Variants in PPAT observed in about 807,000 individuals in gnomAD.
PPAT encodes phosphoribosyl pyrophosphate amidotransferase.
Under a neutral mutation model 60.2 loss-of-function variants are expected in PPAT, and 20 were observed. The ratio of observed to expected loss-of-function variants is 0.33; its 90% CI spans 0.23 to 0.48. The LOEUF (loss-of-function observed/expected upper bound fraction) is 0.48. PPAT is among the 20% of genes least tolerant of loss of function. The pLI is 0.99. For synonymous variants in PPAT, 194 were observed against 215.1 expected, an observed-to-expected ratio of 0.90 and a Z score of 0.86; for missense variants, 349 against 629.6, an observed-to-expected ratio of 0.55 and a Z score of 4.77.
chr4:56,418,429 C>A (rs767831801), intron 1 of PPAT, among the ~76,000 whole-genome samples: 1 of 152,190 alleles, frequency 6.6e-6, no homozygotes, highest in Admixed American at 6.5e-5. Context: ...AAGCAATCCT[C>A]CCACCTCAGC....
chr4:56,403,882 G>T (rs1031422467), intron 3 of PPAT: 1 of 301,728 alleles, frequency 3.3e-6, no homozygotes, highest in African/African-American at 2.2e-5. Flanking sequence ...GCTCCTAGGA[G>T]AATCTAATGC....
In PPAT at chr4:56,397,091, GTTA is replaced by G. The variant is rs1379289259; in HGVS notation, c.1237-355_1237-353del. ...TACTACAACAGAGTTGTTTTTGTCTGTTATTGTTTTTTTTGCCTTTCATCAGGT... is the reference window on the plus strand; with the variant it reads ...TACTACAACAGAGTTGTTTTTGTCTGTTGTTTTTTTTGCCTTTCATCAGGT... On this transcript the variant is annotated intron_variant, in intron 9 of 10. Coordinates refer to ENST00000264220, the MANE Select transcript of PPAT (RefSeq NM_002703.5). Among the ~76,000 whole-genome samples the G allele has an allele frequency of 3.9e-5, 6 of 152,066 alleles. No homozygotes were observed. In the East Asian group the frequency reaches 7.7e-4, roughly 20 times the overall value.
At chr4:56,416,480 T>G (rs17086759) in intron 1 of PPAT, 20,411 of 241,522 alleles carry the variant, frequency 0.085, 1,065 homozygotes, top group East Asian at 0.25. Context: ...TGATCTAATT[T>G]CAAACGGAAA....
intron 1 of PPAT, among the ~76,000 whole-genome samples, chr4:56,427,250 G>A (rs968611694): frequency 3.9e-5 from 6 of 152,180 alleles, no homozygotes; most frequent in East Asian, 1.9e-4. Context: ...ACCCAGAAGC[G>A]AAATTGTTGA....
intron 1 of PPAT, among the ~76,000 whole-genome samples, chr4:56,415,311 C>T (rs2110050124): frequency 6.6e-6 from 1 of 152,264 alleles, no homozygotes; most frequent in African/African-American, 2.4e-5. Flanking sequence ...TATCCGCCTC[C>T]CAATTAGTCT....
rs535656158 is a variant in PPAT at position 56,419,976 on chromosome 4, C to T, written c.129-12260G>A. 1.3e-4 allele frequency: 125 copies of T among 984,976 alleles called. No individual in the cohort carries two copies. In the South Asian group the frequency reaches 3.4e-3, roughly 27 times the overall value. The allele number at this position is 984,976 out of a possible 1,614,324, so 61.0% of individuals were successfully genotyped here. On this transcript the variant is annotated intron_variant, in intron 1 of 10. Coordinates refer to ENST00000264220, the MANE Select transcript of PPAT (RefSeq NM_002703.5). ...GGGACCCAATAAAACAGAAAAATCACGAGACCAGGAATCCCAAGATGGAGA... is the reference window on the plus strand; with the variant it reads ...GGGACCCAATAAAACAGAAAAATCATGAGACCAGGAATCCCAAGATGGAGA...
Position 56,403,031 on chromosome 4 carries a change from G to A in PPAT, c.661+9C>T, listed in dbSNP as rs370395713. The A allele has an allele frequency of 2.5e-6, 4 of 1,591,422 alleles. No individual in the cohort carries two copies. Among genetic ancestry groups the A allele is most frequent in the Non-Finnish European group, 3.4e-6 (4 of 1,170,826 alleles). On this transcript the variant is annotated intron_variant, in intron 5 of 10. Transcript: ENST00000264220. ...ACTATGAAATGATATTCCTTCTAAA[G>A]TTTATTACCTTTGTCATTTATATCA...
At chr4:56,400,597 G>T in intron 8 of PPAT, 187 bp downstream of exon 8, 1 of 581,616 alleles carries the variant, frequency 1.7e-6, no homozygotes, top group Non-Finnish European at 2.8e-6. Context: ...CCTTTTAGTG[G>T]TTTTCACTAA....
rs1056744224 is a variant in PPAT at position 56,412,310 on chromosome 4, T to A, written c.129-4594A>T. 4.4e-5 allele frequency among the ~76,000 whole-genome samples: 6 copies of A among 136,016 alleles called. No individual in the cohort carries two copies. The South Asian group carries it at 1.4e-3, about 31-fold the overall frequency. 89.2% of individuals were successfully genotyped at this position (136,016 alleles called of 152,430 possible). A position where few individuals can be genotyped will look rare whatever the true frequency, so the allele number is the denominator to read the frequency against. ...TCAAACTCTCTATTCTCCCATCACC[T>A]TTTTTTTTTTTTTTAGAGAGAGGGT... On this transcript the variant is annotated intron_variant, in intron 1 of 10. Coordinates refer to ENST00000264220, the MANE Select transcript of PPAT (RefSeq NM_002703.5).
chr4:56,412,785 T>C (rs1044350090), intron 1 of PPAT, among the ~76,000 whole-genome samples: 4 of 152,238 alleles, frequency 2.6e-5, no homozygotes, highest in Non-Finnish European at 5.9e-5. Flanking sequence ...ATGTCTCATA[T>C]GGAATATTAA....
Position 56,435,246 on chromosome 4 carries a change from G to A in PPAT, c.128+104C>T, listed in dbSNP as rs924185068. The A allele has an allele frequency of 6.3e-5, 97 of 1,531,002 alleles. No individual in the cohort carries two copies. The Admixed American group carries it at 1.5e-3, about 24-fold the overall frequency. The allele number at this position is 1,531,002 out of a possible 1,614,324, so 94.8% of individuals were successfully genotyped here. On this transcript the variant is annotated intron_variant, in intron 1 of 10. Transcript: ENST00000264220. ...GCAGGTACTGGCTTAGGTCGGAGAG[G>A]TCGGTCCTCCCGGGCCCTCGGGCGC...
At chr4:56,411,200 G>C (rs1157194193) in intron 1 of PPAT, among the ~76,000 whole-genome samples, 1 of 152,152 alleles carries the variant, frequency 6.6e-6, no homozygotes, top group Non-Finnish European at 1.5e-5. Context: ...AATATGGATT[G>C]AGTTCTAAAA....
chr4:56,415,347 C>A (rs1716671598), intron 1 of PPAT, among the ~76,000 whole-genome samples: 1 of 152,194 alleles, frequency 6.6e-6, no homozygotes, highest in African/African-American at 2.4e-5. Flanking sequence ...TATAATTCAT[C>A]TTCATGTGTC....
rs1441586603 is a variant in PPAT at position 56,395,483 on chromosome 4, A to C, written c.1423T>G (p.Phe475Val). Residue 475 changes from phenylalanine (F) to valine (V), a missense_variant, in exon 11 of 11, where the codon TTT becomes GTT. Coordinates refer to ENST00000264220, the MANE Select transcript of PPAT (RefSeq NM_002703.5). ...TGCTTTTTCTCTTTCTGTTTTTTAA[A>C]CTTTATCCCTTCTTGTACAGATGAA... ...LVSSVQEGIK[F>V]KKQKEKKHDI... 6 of 1,612,718 alleles carry C rather than the reference A, an allele frequency of 3.7e-6. No individual in the cohort carries two copies. Among genetic ancestry groups the C allele is most frequent in the Non-Finnish European group, 2.5e-6 (3 of 1,179,354 alleles).
rs1391091417 is a variant in PPAT, at chr4:56,395,542, T to C, written c.1364A>G (p.Asn455Ser). Residue 455 changes from asparagine to serine, a missense_variant, in exon 11 of 11, where the codon AAC (asparagine) becomes AGC (serine). Physicochemically the swap from Asn to Ser is conservative, Grantham distance 46. Around this residue, in one of 5 missense-constraint regions of PPAT, gnomAD observed 167 missense variants for 328.6 expected, o/e 0.51. Coordinates refer to ENST00000264220, the MANE Select transcript of PPAT (RefSeq NM_002703.5). ...TTCTACTGACAGATACACAACACTG[T>C]TTGCTCCTAAAGAAAGAGGGAAAAA... ...FDHLAEYLGA[N>S]SVVYLSVEGL... 7.1e-6 allele frequency: 11 copies of C among 1,542,752 alleles called. No homozygotes were observed. The highest frequency in any genetic ancestry group is 7.1e-5 in the African/African-American group (5 of 70,498).
chr4:56,401,034 A>C (rs1169836671), intron 7 of PPAT, 123 bp from the exon 8 acceptor site: 3 of 1,064,966 alleles, frequency 2.8e-6, no homozygotes, highest in African/African-American at 1.6e-5. Flanking sequence ...ATATACAAAA[A>C]TATGAATGTG....
chr4:56,422,928 G>A (rs1252876285), intron 1 of PPAT: 1 of 150,146 alleles, frequency 6.7e-6, no homozygotes, highest in East Asian at 2.0e-4. Context: ...AGAAACTCTG[G>A]TGTTGGGGCC....
chr4:56,424,031 A>G (rs1297711999), intron 1 of PPAT, among the ~76,000 whole-genome samples: 1 of 152,172 alleles, frequency 6.6e-6, no homozygotes, highest in East Asian at 1.9e-4. Flanking sequence ...AGTGATGGGT[A>G]TTTACATGTA....
chr4:56,427,635 T>C (rs2110065590), intron 1 of PPAT, among the ~76,000 whole-genome samples: 1 of 126,694 alleles, frequency 7.9e-6, no homozygotes, highest in Admixed American at 8.7e-5. Context: ...AGTGAGACCC[T>C]GTCTCTTAAA....
Sources: allele counts gnomAD v4.1 joint callset (sites outside exome capture counted in the v4.1 genomes callset), GRCh38; gene constraint gnomAD v4.1.1; regional missense constraint gnomAD v4.1.1; transcripts MANE v1.5; gene names NCBI Gene and HGNC (gene_info 2026-07-23, HGNC 2026-07-21).